The following PLEK variants were observed in gnomAD, a reference collection of about 807,000 sequenced individuals.
The protein encoded by PLEK is platelet 47 kDa protein.
PLEK carries 25 observed loss-of-function variants against 43.9 expected under a neutral mutation model. The observed-to-expected ratio is 0.57, with a 90% CI of 0.41 to 0.79. The LOEUF (loss-of-function observed/expected upper bound fraction) is 0.79, where lower values mean the gene tolerates loss of function less well. PLEK is among the 30% of genes least tolerant of loss of function. The pLI is 0.00. For synonymous variants in PLEK, 152 were observed against 144.4 expected (o/e 1.05, Z -0.38); for missense variants, 396 against 413.3 (o/e 0.96, Z 0.36).
intron 3 of PLEK, 34 bp from the exon 4 acceptor site, chr2:68,382,508 T>G: frequency 7.8e-7 from 1 of 1,282,090 alleles, no homozygotes; most frequent in Non-Finnish European, 1.1e-6. Flanking sequence ...TTTTTTTTGT[T>G]TGTTTGTTTG....
At position 68,388,487 on chromosome 2, in the gene PLEK, A is replaced by C. The variant is rs769122040; in HGVS notation, c.758A>C (p.Lys253Thr). 5.2e-6 allele frequency: 8 copies of C among 1,552,280 alleles called. No individual in the cohort carries two copies. The African/African-American group carries it at 1.1e-4, about 21-fold the overall frequency. Residue 253 changes from lysine (K) to threonine (T), a missense_variant, in exon 6 of 9, where the codon AAG becomes ACG. Transcript: ENST00000234313. ...GVIIKQGCLL[K>T]QGHRRKNWKV... is the part of the protein sequence containing the mutation. ...ATTATCAAGCAGGGATGTTTACTGA[A>C]GCAGGTGAGTGGCCACAACTGCTCC...
Position 68,380,432 on chromosome 2 carries a change from G to A in PLEK, c.147G>A (p.Pro49=), listed in dbSNP as rs145587732. ...ACAACAGCCCCAAAGGAATGATCCCGCTGAAAGGGAGCACTCTGACTAGCC... is the reference window on the plus strand; with the variant it reads ...ACAACAGCCCCAAAGGAATGATCCCACTGAAAGGGAGCACTCTGACTAGCC... The part of the protein sequence containing the change: ...KSDNSPKGMI[P]LKGSTLTSPC... The change falls in exon 2 of 9, where the codon CCG becomes CCA. Residue 49 remains proline (P), a synonymous_variant. Transcript: ENST00000234313. 1.0e-4 allele frequency: 163 copies of A among 1,613,840 alleles called. 1 individual carries two copies. In the African/African-American group the frequency reaches 1.3e-3, roughly 13 times the overall value.
chr2:68,391,728 G>A (rs1029869983), intron 6 of PLEK, among the ~76,000 whole-genome samples: 2 of 152,200 alleles, frequency 1.3e-5, no homozygotes, highest in Non-Finnish European at 2.9e-5. Flanking sequence ...AATGAAAAAT[G>A]TTGGAAAATT....
At chr2:68,378,758 A>G (rs778280273) in intron 1 of PLEK, among the ~76,000 whole-genome samples, 2 of 152,216 alleles carry the variant, frequency 1.3e-5, no homozygotes, top group Non-Finnish European at 2.9e-5. Flanking sequence ...TCTCTGAGGT[A>G]GTCATTCTTA....
At chr2:68,385,342 T>C (rs1438785888) in intron 4 of PLEK, among the ~76,000 whole-genome samples, 1 of 152,186 alleles carries the variant, frequency 6.6e-6, no homozygotes, top group Non-Finnish European at 1.5e-5. Flanking sequence ...CATTTTCTTC[T>C]CTTTGCAATC....
At chr2:68,383,714 T>C (rs980972981) in intron 4 of PLEK, among the ~76,000 whole-genome samples, 16 of 152,154 alleles carry the variant, frequency 1.1e-4, no homozygotes, top group Non-Finnish European at 4.4e-5. Flanking sequence ...GGCTTTCTTA[T>C]GGTGACAGGA....
intron 1 of PLEK, among the ~76,000 whole-genome samples, chr2:68,367,450 C>G (rs368886497): frequency 6.6e-6 from 1 of 152,208 alleles, no homozygotes; most frequent in Non-Finnish European, 1.5e-5. Context: ...TAGCTTCCAG[C>G]GTCTCATTTG....
intron 3 of PLEK, among the ~76,000 whole-genome samples, chr2:68,381,782 A>G (rs1023596641): frequency 6.6e-6 from 1 of 152,346 alleles, no homozygotes; most frequent in East Asian, 1.9e-4. Context: ...GAGACTCAGC[A>G]GCCTCCTTCA....
In PLEK at chr2:68,388,505, A is replaced by C; in HGVS notation, c.762+14A>C. On this transcript the variant is annotated intron_variant, in intron 6 of 8. Coordinates refer to ENST00000234313, the MANE Select transcript of PLEK (RefSeq NM_002664.3). Reference sequence around the variant, plus strand: ...TTACTGAAGCAGGTGAGTGGCCACAACTGCTCCCATCTAGCCTTTTCCCTT... The same window carrying C: ...TTACTGAAGCAGGTGAGTGGCCACACCTGCTCCCATCTAGCCTTTTCCCTT... 1 of 1,322,156 alleles carries C rather than the reference A, an allele frequency of 7.6e-7. No individual in the cohort carries two copies. The highest frequency in any genetic ancestry group is 1.1e-6 in the Non-Finnish European group (1 of 913,606). The allele number at this position is 1,322,156 out of a possible 1,614,324, so 81.9% of individuals were successfully genotyped here.
intron 4 of PLEK, among the ~76,000 whole-genome samples, chr2:68,383,125 G>C (rs968410883): frequency 1.3e-5 from 2 of 152,154 alleles, no homozygotes; most frequent in East Asian, 3.9e-4. Context: ...TTCAAATTCT[G>C]GCTCTGCAAC....
In PLEK at chr2:68,388,473, G is replaced by A; in HGVS notation, c.744G>A (p.Gln248=). 2 of 1,594,758 alleles carry A rather than the reference G, an allele frequency of 1.3e-6. No individual in the cohort carries two copies. The highest frequency in any genetic ancestry group is 8.6e-7 in the Non-Finnish European group (1 of 1,162,360). ...AATTCAGAGGGGTCATTATCAAGCAGGGATGTTTACTGAAGCAGGTGAGTG... is the reference window on the plus strand; with the variant it reads ...AATTCAGAGGGGTCATTATCAAGCAAGGATGTTTACTGAAGCAGGTGAGTG... The part of the protein sequence containing the change: ...KEEFRGVIIK[Q]GCLLKQGHRR... The change falls in exon 6 of 9, where the codon CAG becomes CAA. Residue 248 remains glutamine, a synonymous_variant. Coordinates refer to ENST00000234313, the MANE Select transcript of PLEK (RefSeq NM_002664.3).
intron 1 of PLEK, among the ~76,000 whole-genome samples, chr2:68,372,584 A>T (rs1221989613): frequency 1.3e-5 from 2 of 152,152 alleles, no homozygotes; most frequent in Admixed American, 1.3e-4. Context: ...TCCCATGATG[A>T]TGAACAGGTA....
rs1345382231 is a variant in PLEK at position 68,388,480 on chromosome 2, T to G, written c.751T>G (p.Leu251Val). The G allele has an allele frequency of 1.1e-5, 17 of 1,582,108 alleles. No individual in the cohort carries two copies. Among genetic ancestry groups the G allele is most frequent in the Non-Finnish European group, 1.3e-5 (15 of 1,150,804 alleles). ...FRGVIIKQGC[L>V]LKQGHRRKNW... ...AGGGGTCATTATCAAGCAGGGATGT[T>G]TACTGAAGCAGGTGAGTGGCCACAA... The change falls in exon 6 of 9, where the codon TTA becomes GTA. Residue 251 changes from leucine to valine, a missense_variant. Physicochemically the swap from Leu to Val is conservative, Grantham distance 32. Coordinates refer to ENST00000234313, the MANE Select transcript of PLEK (RefSeq NM_002664.3).
chr2:68,380,345 G>A lies in PLEK; in HGVS notation c.60G>A (p.Thr20=), dbSNP rs749721826. The change falls in exon 2 of 9, where the codon ACG becomes ACA. Residue 20 remains threonine (T), a synonymous_variant. Coordinates refer to ENST00000234313, the MANE Select transcript of PLEK (RefSeq NM_002664.3). ...YLVKKGSVFN[T]WKPMWVVLLE... ...CATTACAGGGGAGCGTGTTCAATAC[G>A]TGGAAACCCATGTGGGTTGTATTGT... 8 of 1,613,250 alleles carry A rather than the reference G, an allele frequency of 5.0e-6. No individual in the cohort carries two copies. Among genetic ancestry groups the A allele is most frequent in the Admixed American group, 3.3e-5 (2 of 59,968 alleles).
intron 1 of PLEK, among the ~76,000 whole-genome samples, chr2:68,373,826 C>T (rs1170460852): frequency 6.6e-6 from 1 of 152,102 alleles, no homozygotes; most frequent in Non-Finnish European, 1.5e-5. Context: ...GCTCTGAGAA[C>T]ATGTCTTTCT....
intron 5 of PLEK, 54 bp downstream of exon 5, chr2:68,386,740 T>C: frequency 1.4e-6 from 2 of 1,384,388 alleles, no homozygotes; most frequent in Non-Finnish European, 2.0e-6. Context: ...CCTGAGCAGA[T>C]TCTAGATTGA....
chr2:68,395,854 C>A lies in PLEK; in HGVS notation c.*38C>A. 2 of 1,583,340 alleles carry A rather than the reference C, an allele frequency of 1.3e-6. No individual in the cohort carries two copies. The highest frequency in any genetic ancestry group is 1.7e-6 in the Non-Finnish European group (2 of 1,153,022). The stretch of plus-strand genomic sequence containing the variant: ...ATTCCTCCTCCCCTCCTGAGGGAAG[C>A]CCATGGACAAGCTCAGTCCAGGACC... On this transcript the variant is annotated 3_prime_UTR_variant, in exon 9 of 9. Coordinates refer to ENST00000234313, the MANE Select transcript of PLEK (RefSeq NM_002664.3).
At position 68,380,745 on chromosome 2, in the gene PLEK, C is replaced by G; in HGVS notation, c.221C>G (p.Thr74Ser). Residue 74 changes from threonine to serine, a missense_variant, in exon 3 of 9, where the codon ACC (threonine) becomes AGC (serine). Physicochemically the swap from Thr to Ser is moderately conservative, Grantham distance 58. Transcript: ENST00000234313. ...KRMFVFKITT[T>S]KQQDHFFQAA... is the part of the protein sequence containing the mutation. ...CAGTTTGTGTTTAAGATCACTACGACCAAACAGCAGGACCACTTCTTCCAG... is the reference window on the plus strand; with the variant it reads ...CAGTTTGTGTTTAAGATCACTACGAGCAAACAGCAGGACCACTTCTTCCAG... The G allele has an allele frequency of 6.2e-7, 1 of 1,613,762 alleles. No homozygotes were observed. The highest frequency in any genetic ancestry group is 1.7e-4 in the Middle Eastern group (1 of 6,056).
intron 7 of PLEK, among the ~76,000 whole-genome samples, chr2:68,393,836 GTC>G (rs1173334848): frequency 6.6e-6 from 1 of 152,140 alleles, no homozygotes; most frequent in Non-Finnish European, 1.5e-5. Context: ...TGACCTCAGT[GTC>G]TCCACCTCTC....
Sources: allele counts gnomAD v4.1 joint callset (sites outside exome capture counted in the v4.1 genomes callset), GRCh38; gene constraint gnomAD v4.1.1; transcripts MANE v1.5; gene names NCBI Gene and HGNC (gene_info 2026-07-23, HGNC 2026-07-21).